The following THUMPD2 variants were observed in gnomAD, a reference collection of about 807,000 sequenced individuals.
The protein encoded by THUMPD2 is U6 snRNA (guanine-N(2))-methyltransferase THUMPD2.
THUMPD2 carries 56 observed loss-of-function variants against 49.4 expected under a neutral mutation model. The ratio of observed to expected loss-of-function variants is 1.13; its 90% confidence interval spans 0.91 to 1.41. THUMPD2 has a LOEUF of 1.41. THUMPD2 is among the 40% of genes most tolerant of loss of function. THUMPD2 has a pLI of 0.00. For missense variants in THUMPD2, 709 were observed against 594.5 expected (o/e 1.19, Z -2.00); for synonymous variants, 237 against 205.2 (o/e 1.15, Z -1.32).
intron 8 of THUMPD2, among the ~76,000 whole-genome samples, chr2:39,754,448 C>T (rs1311741560): frequency 6.6e-6 from 1 of 152,156 alleles, no homozygotes; most frequent in Non-Finnish European, 1.5e-5. Context: ...CTCATCTTTA[C>T]TACTTTTCCA....
At chr2:39,738,247 G>A (rs1012180529) in intron 9 of THUMPD2, among the ~76,000 whole-genome samples, 2 of 152,256 alleles carry the variant, frequency 1.3e-5, no homozygotes, top group African/African-American at 4.8e-5. Flanking sequence ...ACAGTTTCAA[G>A]AAAGAAACAG....
chr2:39,748,531 T>C (rs986223590), intron 8 of THUMPD2, among the ~76,000 whole-genome samples: 2 of 151,950 alleles, frequency 1.3e-5, no homozygotes, highest in Non-Finnish European at 2.9e-5. Context: ...TGAAACCCCA[T>C]ACAAAAATTA....
intron 9 of THUMPD2, among the ~76,000 whole-genome samples, chr2:39,742,000 G>A (rs773740061): frequency 6.6e-6 from 1 of 152,164 alleles, no homozygotes; most frequent in Non-Finnish European, 1.5e-5. Context: ...ACTGTTGTAA[G>A]AGCTTTAAAT....
intron 9 of THUMPD2, among the ~76,000 whole-genome samples, chr2:39,739,969 T>G (rs943669986): frequency 4.6e-5 from 7 of 152,080 alleles, no homozygotes; most frequent in African/African-American, 1.7e-4. Context: ...CCTAAGAAGA[T>G]GTAATAGTAG....
chr2:39,757,097 G>C (rs936370663), intron 6 of THUMPD2, among the ~76,000 whole-genome samples: 1 of 152,076 alleles, frequency 6.6e-6, no homozygotes, highest in Non-Finnish European at 1.5e-5. Context: ...ATCATGACGG[G>C]ATAATGGTCT....
intron 3 of THUMPD2, 101 bp downstream of exon 3, chr2:39,769,609 A>G (rs931887452): frequency 3.2e-5 from 41 of 1,264,754 alleles, no homozygotes; most frequent in Non-Finnish European, 3.9e-5. Context: ...GGCTGAGGCA[A>G]AAGAATCACC....
At chr2:39,777,440 G>C (rs1001417339) in intron 1 of THUMPD2, among the ~76,000 whole-genome samples, 2 of 152,344 alleles carry the variant, frequency 1.3e-5, no homozygotes, top group Admixed American at 1.3e-4. Flanking sequence ...TAAAGCTAGA[G>C]AGACTCAGAG....
At chr2:39,756,014 T>C (rs1286760344) in intron 6 of THUMPD2, 54 bp from the exon 7 acceptor site, 3 of 1,494,572 alleles carry the variant, frequency 2.0e-6, no homozygotes, top group Non-Finnish European at 2.8e-6. Flanking sequence ...GTACGTACTA[T>C]AAAAGAAACC....
chr2:39,765,362 G>C (rs1398983453), intron 5 of THUMPD2, among the ~76,000 whole-genome samples: 2 of 152,050 alleles, frequency 1.3e-5, no homozygotes, highest in Admixed American at 1.3e-4. Flanking sequence ...ACTTCACCAT[G>C]TTGGTCAGGC....
At chr2:39,768,744 T>A (rs1462318391) in intron 3 of THUMPD2, 1 of 721,824 alleles carries the variant, frequency 1.4e-6, no homozygotes, top group Non-Finnish European at 2.2e-6. Context: ...ATAATCTCTA[T>A]CCTTGTAATT....
chr2:39,757,368 C>T (rs752866283), intron 6 of THUMPD2: 2 of 1,302,330 alleles, frequency 1.5e-6, no homozygotes, highest in East Asian at 5.6e-5. Flanking sequence ...CCATATGGTA[C>T]CTAATGGAAA....
intron 1 of THUMPD2, among the ~76,000 whole-genome samples, chr2:39,772,561 A>G (rs558202529): frequency 6.6e-6 from 1 of 152,336 alleles, no homozygotes; most frequent in South Asian, 2.1e-4. Context: ...GACAGGATGG[A>G]TATGTGGCAA....
At chr2:39,777,294 T>C (rs1270908212) in intron 1 of THUMPD2, among the ~76,000 whole-genome samples, 1 of 152,178 alleles carries the variant, frequency 6.6e-6, no homozygotes, top group Admixed American at 6.5e-5. Context: ...TAAAGGAATA[T>C]ATAAGATCTG....
intron 1 of THUMPD2, among the ~76,000 whole-genome samples, chr2:39,776,632 C>G (rs1679140135): frequency 6.6e-6 from 1 of 152,170 alleles, no homozygotes; most frequent in African/African-American, 2.4e-5. Context: ...CTCAGGTAAT[C>G]TGCCCGGCTT....
chr2:39,769,877 CTTT>C lies in THUMPD2; in HGVS notation c.502_504del (p.Lys168del), dbSNP rs765389216. The C allele has an allele frequency of 1.1e-5, 18 of 1,600,348 alleles. No homozygotes were observed. Among genetic ancestry groups the C allele is most frequent in the Admixed American group, 1.8e-5 (1 of 56,528 alleles). ...AAATCTCTTTGCTCCAGAGTTTCTT[CTTT>C]TATTTGTTTTTCCAGCTGGCAGTCC... On this transcript the variant is annotated inframe_deletion, in exon 3 of 10. Coordinates refer to ENST00000505747, the MANE Select transcript of THUMPD2 (RefSeq NM_025264.5).
At chr2:39,761,037 A>C (rs1383773157) in intron 6 of THUMPD2, among the ~76,000 whole-genome samples, 3 of 152,180 alleles carry the variant, frequency 2.0e-5, no homozygotes, top group African/African-American at 7.2e-5. Flanking sequence ...AACTTTAAGA[A>C]TAGGAGGTTT....
In THUMPD2 at chr2:39,769,975, T is replaced by C; in HGVS notation, c.407A>G (p.Lys136Arg). 1.9e-6 allele frequency: 3 copies of C among 1,581,600 alleles called. No homozygotes were observed. The highest frequency in any genetic ancestry group is 1.2e-5 in the South Asian group (1 of 83,120). ...SQRDDNQLKR[K>R]VGENEIIAKK... ...TGCAATGATTTCATTTTCTCCCACT[T>C]TTCTTTTTAGTTGGTTATCATCTCT... Residue 136 changes from lysine (K) to arginine (R), a missense_variant, in exon 3 of 10, where the codon AAA becomes AGA. Physicochemically the swap from Lys to Arg is conservative, Grantham distance 26. Coordinates refer to ENST00000505747, the MANE Select transcript of THUMPD2 (RefSeq NM_025264.5).
chr2:39,761,223 G>T, intron 6 of THUMPD2, 108 bp downstream of exon 6: 2 of 952,342 alleles, frequency 2.1e-6, no homozygotes, highest in Non-Finnish European at 3.2e-6. Context: ...AAGAAAAAGC[G>T]TCAAGAAAAG....
At chr2:39,741,228 A>T (rs542874462) in intron 9 of THUMPD2, among the ~76,000 whole-genome samples, 1 of 152,352 alleles carries the variant, frequency 6.6e-6, no homozygotes, top group South Asian at 2.1e-4. Flanking sequence ...AACTAGGAGT[A>T]GATGGTACAA....
Sources: gnomAD v4.1 joint callset for allele counts (sites outside exome capture counted in the v4.1 genomes callset) on GRCh38, gnomAD v4.1.1 for gene constraint, MANE v1.5 for transcripts, NCBI Gene and HGNC (gene_info 2026-07-23, HGNC 2026-07-21) for gene names.